The following AIG1 variants were observed in gnomAD, a reference collection of about 807,000 sequenced individuals.
AIG1 encodes androgen induced 1.
Under a neutral mutation model 31.4 loss-of-function variants are expected in AIG1, and 23 were observed. The observed-to-expected ratio is 0.73, with a 90% CI of 0.53 to 1.04. The LOEUF is 1.04. AIG1 is among the 50% of genes least tolerant of loss of function. The pLI is 0.00. For missense variants in AIG1, 274 were observed against 295.0 expected (o/e 0.93, Z 0.52); for synonymous variants, 100 against 110.5 (o/e 0.90, Z 0.60).
At position 143,217,076 on chromosome 6, in the gene AIG1, A is replaced by G. The variant is rs150540546; in HGVS notation, c.399+51893A>G. ...ACATATTCAATTGAGAAGTTTTTAT[A>G]CTTTTCATTAATTTTTCATAATTTA... On this transcript the variant is annotated intron_variant, in intron 3 of 5. Transcript: ENST00000357847. Among the ~76,000 whole-genome samples the G allele has an allele frequency of 1.1e-3, 165 of 152,180 alleles. 1 individual carries two copies. The highest frequency in any genetic ancestry group is 1.6e-3 in the Non-Finnish European group (112 of 68,016).
At chr6:143,167,307 A>C (rs568035512) in intron 3 of AIG1, among the ~76,000 whole-genome samples, 79 of 152,360 alleles carry the variant, frequency 5.2e-4, no homozygotes, top group Middle Eastern at 3.4e-3. Flanking sequence ...TATGAGGAAG[A>C]GTAATATCAC....
intron 1 of AIG1, among the ~76,000 whole-genome samples, chr6:143,112,239 G>A (rs540896546): frequency 5.3e-5 from 8 of 152,056 alleles, no homozygotes; most frequent in Non-Finnish European, 1.2e-4. Context: ...CTCTGCTTCT[G>A]CCCAGAACAG....
chr6:143,091,223 ACTC>A (rs371973316), intron 1 of AIG1, among the ~76,000 whole-genome samples: 2 of 151,832 alleles, frequency 1.3e-5, no homozygotes, highest in African/African-American at 4.8e-5. Context: ...GATGTCTTGA[ACTC>A]CTCAAAATCA....
intron 1 of AIG1, 56 bp downstream of exon 1, chr6:143,061,122 GT>G (rs1399525877): frequency 7.4e-7 from 1 of 1,343,266 alleles, no homozygotes; most frequent in African/African-American, 1.7e-5. Context: ...GTGTGCGTGT[GT>G]GTGTGTGTGT....
At chr6:143,153,650 A>AT (rs1052897218) in intron 2 of AIG1, among the ~76,000 whole-genome samples, 10 of 151,952 alleles carry the variant, frequency 6.6e-5, no homozygotes, top group African/African-American at 2.4e-4. Flanking sequence ...CCCAGCTGAG[A>AT]TTTTTTAAAT....
intron 1 of AIG1, among the ~76,000 whole-genome samples, chr6:143,092,317 C>T (rs1366021422): frequency 7.0e-6 from 1 of 142,962 alleles, no homozygotes; most frequent in Non-Finnish European, 1.5e-5. Flanking sequence ...CAGGGTCTCA[C>T]TTTGTTGCCC....
intron 2 of AIG1, among the ~76,000 whole-genome samples, chr6:143,158,460 T>C (rs994433034): frequency 2.0e-5 from 3 of 152,198 alleles, no homozygotes; most frequent in African/African-American, 7.2e-5. Context: ...CCTTATTTAA[T>C]TTTCCTAACA....
At chr6:143,065,981 C>T (rs1776666735) in intron 1 of AIG1, among the ~76,000 whole-genome samples, 2 of 152,178 alleles carry the variant, frequency 1.3e-5, no homozygotes, top group African/African-American at 4.8e-5. Context: ...CCCATTATTC[C>T]TCCTAGACTG....
chr6:143,101,493 G>T (rs371441887), intron 1 of AIG1, among the ~76,000 whole-genome samples: 24 of 152,298 alleles, frequency 1.6e-4, no homozygotes, highest in African/African-American at 4.6e-4. Context: ...TTCAGTGAAT[G>T]GTGGCTCTGA....
chr6:143,172,411 A>G (rs1787724885), intron 3 of AIG1, among the ~76,000 whole-genome samples: 1 of 152,186 alleles, frequency 6.6e-6, no homozygotes, highest in African/African-American at 2.4e-5. Flanking sequence ...TCCCTGGTAT[A>G]AATCCCACTT....
chr6:143,235,465 C>T (rs753274973), intron 3 of AIG1, among the ~76,000 whole-genome samples: 1 of 152,014 alleles, frequency 6.6e-6, no homozygotes, highest in Non-Finnish European at 1.5e-5. Context: ...ATCTACAGGA[C>T]TTTTCTGACC....
chr6:143,152,118 A>G (rs1486542393), intron 2 of AIG1, among the ~76,000 whole-genome samples: 1 of 152,188 alleles, frequency 6.6e-6, no homozygotes, highest in Non-Finnish European at 1.5e-5. Flanking sequence ...TGGTCATAGT[A>G]TTCTGTTACT....
At chr6:143,084,669 G>A (rs750277303) in intron 1 of AIG1, among the ~76,000 whole-genome samples, 1 of 152,108 alleles carries the variant, frequency 6.6e-6, no homozygotes, top group Non-Finnish European at 1.5e-5. Flanking sequence ...CAATAGAGTC[G>A]GGTGACAGGG....
At chr6:143,180,837 T>C (rs1788653407) in intron 3 of AIG1, among the ~76,000 whole-genome samples, 2 of 152,234 alleles carry the variant, frequency 1.3e-5, no homozygotes, top group Admixed American at 1.3e-4. Flanking sequence ...GTTCTTGTTA[T>C]ATGAAACTGA....
intron 3 of AIG1, among the ~76,000 whole-genome samples, chr6:143,181,924 A>G (rs1408066588): frequency 6.6e-6 from 1 of 152,230 alleles, no homozygotes; most frequent in African/African-American, 2.4e-5. Flanking sequence ...TAAAGAAAGC[A>G]GAATGGCAGA....
chr6:143,081,717 A>G (rs1418027577), intron 1 of AIG1, among the ~76,000 whole-genome samples: 1 of 152,016 alleles, frequency 6.6e-6, no homozygotes, highest in African/African-American at 2.4e-5. Flanking sequence ...GTTTTAAGTA[A>G]TTTCCATTGG....
rs1776919784 is a variant in AIG1 at position 143,329,764 on chromosome 6, A to G, written c.516-3518A>G. On this transcript the variant is annotated intron_variant, in intron 4 of 5. Transcript: ENST00000357847. This position sits in a 1 kb window ranked among gnomAD's most constrained non-coding sequence, Gnocchi z 4.9. ...TAGTTGAAAAAATCAAAAGATGAAT[A>G]TTTCATGATGTGAAAATTACATCTA... Among the ~76,000 whole-genome samples, 1 of 152,200 alleles carries G rather than the reference A, an allele frequency of 6.6e-6. No homozygotes were observed. The highest frequency in any genetic ancestry group is 2.4e-5 in the African/African-American group (1 of 41,458).
chr6:143,307,115 A>G (rs1799372879), intron 4 of AIG1, among the ~76,000 whole-genome samples: 1 of 152,080 alleles, frequency 6.6e-6, no homozygotes, highest in African/African-American at 2.4e-5. Flanking sequence ...AATTTTTTTC[A>G]AAGTTTTCAA....
chr6:143,119,115 C>T (rs1232139112), intron 1 of AIG1, among the ~76,000 whole-genome samples: 1 of 152,066 alleles, frequency 6.6e-6, no homozygotes, highest in East Asian at 1.9e-4. Context: ...CCCAAGGGAT[C>T]CACCCTCCTT....
Sources: gnomAD v4.1 joint callset for allele counts (sites outside exome capture counted in the v4.1 genomes callset) on GRCh38, gnomAD v4.1.1 for gene constraint, Gnocchi (gnomAD v3.1) non-coding constraint, MANE v1.5 for transcripts, NCBI Gene and HGNC (gene_info 2026-07-23, HGNC 2026-07-21) for gene names.